LMNB1: variants seen among roughly 807,000 people sequenced by gnomAD.
LMNB1 encodes lamin-B1.
A neutral mutation model predicts 67.1 loss-of-function variants in LMNB1; 23 were observed. That is an observed-to-expected ratio of 0.34 (90% CI 0.25 to 0.49). LMNB1 has a LOEUF of 0.49. LMNB1 is among the 20% of genes least tolerant of loss of function. The probability of loss-of-function intolerance (pLI) is 0.99; values close to 1 mark genes in which losing one functional copy is unlikely to be tolerated. For missense variants in LMNB1, 634 were observed against 746.5 expected, an observed-to-expected ratio of 0.85 and a Z score of 1.76; for synonymous variants, 281 against 282.9, an observed-to-expected ratio of 0.99 and a Z score of 0.07.
Position 126,832,808 on chromosome 5 carries a change from C to CTTTATTTATTTAATATA in LMNB1, c.1719+15_1719+31dup. The CTTTATTTATTTAATATA allele has an allele frequency of 6.5e-7, 1 of 1,530,042 alleles. No individual in the cohort carries two copies. Among genetic ancestry groups the CTTTATTTATTTAATATA allele is most frequent in the Non-Finnish European group, 8.9e-7 (1 of 1,119,638 alleles). The allele number at this position is 1,530,042 out of a possible 1,614,324, so 94.8% of individuals were successfully genotyped here. ...AGAACTTTTCCACCAGCAGGTATTA[C>CTTTATTTATTTAATATA]TTTATTTATTTAATATATTTATTTC... On this transcript the variant is annotated splice_region_variant and intron_variant, in intron 10 of 10. Coordinates refer to ENST00000261366, the MANE Select transcript of LMNB1 (RefSeq NM_005573.4).
At chr5:126,810,668 A>G (rs1386255951) in intron 4 of LMNB1, among the ~76,000 whole-genome samples, 1 of 152,228 alleles carries the variant, frequency 6.6e-6, no homozygotes, top group Non-Finnish European at 1.5e-5. Flanking sequence ...TCCAATAACA[A>G]GTACTGATCA....
chr5:126,810,642 T>C (rs1751560445), intron 4 of LMNB1, among the ~76,000 whole-genome samples: 1 of 152,234 alleles, frequency 6.6e-6, no homozygotes, highest in Non-Finnish European at 1.5e-5. Flanking sequence ...ACCCAAACCA[T>C]GTGAAATAAC....
chr5:126,789,910 T>C (rs1750907259), intron 1 of LMNB1, among the ~76,000 whole-genome samples: 1 of 151,796 alleles, frequency 6.6e-6, no homozygotes, highest in Non-Finnish European at 1.5e-5. Flanking sequence ...CCTGACCTCA[T>C]GATCCACCTG....
At chr5:126,776,855 AG>A (rs1368254838), upstream of LMNB1, 1 of 152,124 alleles carries the variant, frequency 6.6e-6, no homozygotes, top group Non-Finnish European at 1.5e-5. Context: ...GCGGGTGGGC[AG>A]TCCCAGGCGT....
intron 9 of LMNB1, among the ~76,000 whole-genome samples, chr5:126,831,115 T>C (rs1248091231): frequency 6.6e-6 from 1 of 152,246 alleles, no homozygotes; most frequent in Non-Finnish European, 1.5e-5. Flanking sequence ...ATTGGGCATA[T>C]TTCAAATCGA....
At chr5:126,833,072 C>T (rs551260643) in intron 10 of LMNB1, among the ~76,000 whole-genome samples, 2 of 152,224 alleles carry the variant, frequency 1.3e-5, no homozygotes, top group South Asian at 4.1e-4. Context: ...TACAGTAAAA[C>T]ATGTCTATGG....
At chr5:126,781,642 GC>G (rs1750636372) in intron 1 of LMNB1, among the ~76,000 whole-genome samples, 1 of 152,036 alleles carries the variant, frequency 6.6e-6, no homozygotes, top group African/African-American at 2.4e-5. Flanking sequence ...CACCGTGTTG[GC>G]CAGGCTGGTC....
chr5:126,787,361 T>C (rs1348503578), intron 1 of LMNB1, among the ~76,000 whole-genome samples: 1 of 145,340 alleles, frequency 6.9e-6, no homozygotes, highest in African/African-American at 2.5e-5. Context: ...AAATGGAGAG[T>C]GAGTTGTCCT....
chr5:126,778,243 G>C (rs1230402285), intron 1 of LMNB1, among the ~76,000 whole-genome samples: 3 of 151,942 alleles, frequency 2.0e-5, no homozygotes, highest in African/African-American at 7.2e-5. Flanking sequence ...GAGCGCGAGC[G>C]CGCGCTCGCG....
At chr5:126,819,454 T>C (rs1751805932) in intron 6 of LMNB1, among the ~76,000 whole-genome samples, 1 of 141,518 alleles carries the variant, frequency 7.1e-6, no homozygotes, top group South Asian at 2.3e-4. Flanking sequence ...AAAGAGACTT[T>C]ACATATTATT....
chr5:126,836,392 A>G lies in LMNB1; in HGVS notation c.*128A>G, dbSNP rs111918274. The G allele has an allele frequency of 3.9e-5, 26 of 663,816 alleles. No individual in the cohort carries two copies. Among genetic ancestry groups the G allele is most frequent in the South Asian group, 3.8e-4 (17 of 45,258 alleles). The allele number at this position is 663,816 out of a possible 1,614,324, so 41.1% of individuals were successfully genotyped here. A position where few individuals can be genotyped will look rare whatever the true frequency, so the allele number is the denominator to read the frequency against. On this transcript the variant is annotated 3_prime_UTR_variant, in exon 11 of 11. Coordinates refer to ENST00000261366, the MANE Select transcript of LMNB1 (RefSeq NM_005573.4). Reference sequence around the variant, plus strand: ...TGTGAATTTTTAAGCTGCAAATCTGATGGCCTTAATTTCCTTTTTGACACT... The same window carrying G: ...TGTGAATTTTTAAGCTGCAAATCTGGTGGCCTTAATTTCCTTTTTGACACT...
rs1194429929 is a variant in LMNB1 at position 126,826,023 on chromosome 5, C to T, written c.1527C>T (p.Pro509=). ...WAANAGVTAS[P]PTDLIWKNQN... The stretch of plus-strand genomic sequence containing the variant: ...CAAACGCTGGTGTCACAGCCAGCCC[C>T]CCAACTGACCTCATCTGGAAGAACC... Residue 509 remains proline, a synonymous_variant, in exon 9 of 11, where the codon CCC becomes CCT. Transcript: ENST00000261366. The T allele has an allele frequency of 1.2e-6, 2 of 1,613,886 alleles. No individual in the cohort carries two copies. Among genetic ancestry groups the T allele is most frequent in the African/African-American group, 2.7e-5 (2 of 74,904 alleles).
At chr5:126,814,730 G>A (rs1013608266) in intron 5 of LMNB1, among the ~76,000 whole-genome samples, 5 of 152,110 alleles carry the variant, frequency 3.3e-5, no homozygotes, top group African/African-American at 1.2e-4. Flanking sequence ...AGTAGAAATG[G>A]GGTGCACCAT....
chr5:126,824,859 C>CCT (rs1751958756), intron 8 of LMNB1, among the ~76,000 whole-genome samples: 2 of 113,966 alleles, frequency 1.8e-5, no homozygotes, highest in African/African-American at 3.2e-5. Context: ...CCCACCCTTT[C>CCT]TTTTTTTTGA....
At chr5:126,787,564 T>TGA (rs1750841005) in intron 1 of LMNB1, among the ~76,000 whole-genome samples, 1 of 133,174 alleles carries the variant, frequency 7.5e-6, no homozygotes, top group Non-Finnish European at 1.6e-5. Context: ...TTTTTTTTTT[T>TGA]GAGATAGAGT....
chr5:126,809,064 A>G (rs1004053312), intron 3 of LMNB1, among the ~76,000 whole-genome samples: 10 of 151,862 alleles, frequency 6.6e-5, no homozygotes, highest in African/African-American at 2.2e-4. Context: ...TAGTAGAGAC[A>G]GGGTTTTACC....
intron 1 of LMNB1, among the ~76,000 whole-genome samples, chr5:126,802,210 G>A (rs530008647): frequency 1.3e-5 from 2 of 152,268 alleles, no homozygotes; most frequent in Non-Finnish European, 2.9e-5. Context: ...AGTAAAAAGT[G>A]AATACTATTA....
intron 3 of LMNB1, among the ~76,000 whole-genome samples, chr5:126,808,810 C>T (rs1415335164): frequency 1.3e-5 from 2 of 152,054 alleles, no homozygotes; most frequent in Non-Finnish European, 2.9e-5. Context: ...CGCTAATATA[C>T]ACAAACAGCA....
chr5:126,794,343 C>T (rs1182420172), intron 1 of LMNB1, among the ~76,000 whole-genome samples: 1 of 152,114 alleles, frequency 6.6e-6, no homozygotes, highest in Non-Finnish European at 1.5e-5. Flanking sequence ...AACATGAGGA[C>T]AGTGTTGAAG....
Sources: gnomAD v4.1 joint callset for allele counts (sites outside exome capture counted in the v4.1 genomes callset) on GRCh38, gnomAD v4.1.1 for gene constraint, MANE v1.5 for transcripts, NCBI Gene and HGNC (gene_info 2026-07-23, HGNC 2026-07-21) for gene names.